CTNNA2: variants seen among roughly 807,000 people sequenced by gnomAD.
CTNNA2 encodes the protein catenin alpha-2.
In CTNNA2, 42 loss-of-function variants were observed where a neutral mutation model predicts 101.0. The observed-to-expected ratio is 0.42, with a 90% CI of 0.32 to 0.54. The LOEUF (loss-of-function observed/expected upper bound fraction) is 0.54. CTNNA2 is among the 20% of genes least tolerant of loss of function. CTNNA2 has a pLI of 0.14. For missense variants in CTNNA2, 871 were observed against 1,223.1 expected (o/e 0.71, Z 4.29); for synonymous variants, 450 against 456.4 (o/e 0.99, Z 0.18).
At chr2:79,344,156 A>G (rs1054538732) in intron 3 of CTNNA2, among the ~76,000 whole-genome samples, 1 of 145,326 alleles carries the variant, frequency 6.9e-6, no homozygotes, top group Non-Finnish European at 1.5e-5. Context: ...TGCCCAGTGA[A>G]TTGTCAAAGG....
intron 7 of CTNNA2, among the ~76,000 whole-genome samples, chr2:79,956,285 A>G (rs1689215829): frequency 6.6e-6 from 1 of 151,944 alleles, no homozygotes; most frequent in South Asian, 2.1e-4. Flanking sequence ...GTGTTTTATG[A>G]TTTGCATTTT....
intron 15 of CTNNA2, chr2:80,603,715 T>C: frequency 5.7e-6 from 1 of 174,880 alleles, no homozygotes; most frequent in Non-Finnish European, 1.2e-5. Flanking sequence ...ATACCTACTT[T>C]GTAGAGTTGT....
At chr2:79,947,907 G>A (rs2974136) in intron 7 of CTNNA2, among the ~76,000 whole-genome samples, 34,607 of 152,004 alleles carry the variant, frequency 0.23, 4,158 homozygotes, top group Middle Eastern at 0.34. Flanking sequence ...TTGATAAGGC[G>A]GTAAAAAATG....
chr2:79,470,059 G>T (rs1357840474), intron 4 of CTNNA2, among the ~76,000 whole-genome samples: 1 of 152,176 alleles, frequency 6.6e-6, no homozygotes, highest in African/African-American at 2.4e-5. Flanking sequence ...GAAATAAAGG[G>T]TATTCAATTA....
At chr2:80,502,862 A>C (rs1371745242) in intron 9 of CTNNA2, among the ~76,000 whole-genome samples, 1 of 152,166 alleles carries the variant, frequency 6.6e-6, no homozygotes, top group Non-Finnish European at 1.5e-5. Flanking sequence ...GCTTCTTTCA[A>C]ATCAAGAGAT....
intron 4 of CTNNA2, among the ~76,000 whole-genome samples, chr2:79,404,266 G>C (rs371818791): frequency 4.1e-4 from 63 of 152,072 alleles, no homozygotes; most frequent in African/African-American, 1.5e-3. Flanking sequence ...TATGAATATG[G>C]GGATGGTAAA....
At chr2:79,959,759 A>G (rs1689501935) in intron 7 of CTNNA2, among the ~76,000 whole-genome samples, 1 of 152,176 alleles carries the variant, frequency 6.6e-6, no homozygotes, top group African/African-American at 2.4e-5. Flanking sequence ...TCATTGGATC[A>G]TATTTTCTTC....
At chr2:79,691,908 AC>A (rs1256401035) in intron 2 of CTNNA2, among the ~76,000 whole-genome samples, 3 of 152,162 alleles carry the variant, frequency 2.0e-5, no homozygotes, top group African/African-American at 7.2e-5. Flanking sequence ...AAGACCTAAA[AC>A]CATAAAAACC....
chr2:79,674,282 G>A (rs1482031057), intron 2 of CTNNA2, among the ~76,000 whole-genome samples: 1 of 152,110 alleles, frequency 6.6e-6, no homozygotes, highest in Non-Finnish European at 1.5e-5. Context: ...GGGCCTTGAG[G>A]GTAGAATTTT....
At chr2:79,412,221 A>C (rs1678422253) in intron 4 of CTNNA2, among the ~76,000 whole-genome samples, 1 of 152,192 alleles carries the variant, frequency 6.6e-6, no homozygotes, top group Non-Finnish European at 1.5e-5. Context: ...TGCACCCAAT[A>C]CAGGAGCACC....
At chr2:79,522,348 G>A (rs1475970059) in intron 1 of CTNNA2, among the ~76,000 whole-genome samples, 1 of 152,128 alleles carries the variant, frequency 6.6e-6, no homozygotes, top group East Asian at 1.9e-4. Flanking sequence ...CGAAACCACT[G>A]TTTTGAGGGG....
At chr2:80,308,690 T>C (rs1677256277) in intron 7 of CTNNA2, among the ~76,000 whole-genome samples, 1 of 152,186 alleles carries the variant, frequency 6.6e-6, no homozygotes, top group Non-Finnish European at 1.5e-5. Context: ...GTAACATGGA[T>C]AGCAATAAGA....
intron 3 of CTNNA2, among the ~76,000 whole-genome samples, chr2:79,799,015 C>G (rs1386589358): frequency 6.6e-6 from 1 of 152,136 alleles, no homozygotes; most frequent in Non-Finnish European, 1.5e-5. Flanking sequence ...TGCTATAGTA[C>G]ATCTTACTCT....
chr2:79,680,936 G>A (rs1019595377), intron 2 of CTNNA2, among the ~76,000 whole-genome samples: 1 of 152,174 alleles, frequency 6.6e-6, no homozygotes, highest in Admixed American at 6.5e-5. Context: ...GGAACTTCAG[G>A]ACAGCAACAG....
rs72922404 is a variant in CTNNA2 at position 80,607,989 on chromosome 2, T to G, written c.2296-195T>G. Among the ~76,000 whole-genome samples the G allele has an allele frequency of 0.038, 5,699 of 151,956 alleles. 357 individuals are homozygous for G. The highest frequency in any genetic ancestry group is 0.13 in the African/African-American group (5,345 of 41,470). On this transcript the variant is annotated intron_variant, in intron 16 of 18. Coordinates refer to ENST00000402739, the MANE Select transcript of CTNNA2 (RefSeq NM_001282597.3). ...TATCTTCAATTTTCTTCTGATAAAA[T>G]TTTATTAAAGTAGAGCCAACCATTC... is the stretch of plus-strand genomic sequence containing the variant.
intron 3 of CTNNA2, among the ~76,000 whole-genome samples, chr2:79,746,701 A>G (rs944514695): frequency 6.6e-6 from 1 of 152,162 alleles, no homozygotes; most frequent in East Asian, 1.9e-4. Context: ...GCCTTTATAT[A>G]TGCTGCCTCT....
rs1553385612 is a variant in CTNNA2 at position 79,243,003 on chromosome 2, C to CACAT, written c.-406+44930_-406+44931insTACA. On this transcript the variant is annotated intron_variant, in intron 2 of 21. Transcript: ENST00000466387. ...ATATATATATATATATACACACACACACACACACACACACACACACACACA... is the reference window on the plus strand; with the variant it reads ...ATATATATATATATATACACACACACACATACACACACACACACACACACACACA... 1.4e-3 allele frequency among the ~76,000 whole-genome samples: 183 copies of CACAT among 134,286 alleles called. 2 individuals are homozygous for CACAT. The highest frequency in any genetic ancestry group is 3.1e-3 in the East Asian group (14 of 4,508). 88.1% of individuals were successfully genotyped at this position (134,286 alleles called of 152,430 possible).
At chr2:79,858,605 G>A (rs775977881) in intron 4 of CTNNA2, among the ~76,000 whole-genome samples, 7 of 152,016 alleles carry the variant, frequency 4.6e-5, no homozygotes, top group Non-Finnish European at 8.8e-5. Flanking sequence ...ATTACATGTT[G>A]AATATATTTT....
At position 79,471,845 on chromosome 2, in the gene CTNNA2, A is replaced by G. The variant is rs530736304; in HGVS notation, c.-134-33209A>G. Among the ~76,000 whole-genome samples the G allele has an allele frequency of 5.9e-4, 87 of 148,444 alleles. 1 individual carries two copies. Among genetic ancestry groups the G allele is most frequent in the African/African-American group, 2.1e-3 (86 of 40,442 alleles). ...AGAGTGAGACTCTGTCTCAAAAAAC[A>G]AAAAAAAAAGATTTTAACATATCAG... On this transcript the variant is annotated intron_variant, in intron 4 of 21. Coordinates refer to the CTNNA2 transcript ENST00000466387.
Sources: gnomAD v4.1 joint callset for allele counts (sites outside exome capture counted in the v4.1 genomes callset) on GRCh38, gnomAD v4.1.1 for gene constraint, MANE v1.5 for transcripts, NCBI Gene and HGNC (gene_info 2026-07-23, HGNC 2026-07-21) for gene names.